Variants in GALNTL5 observed in about 807,000 individuals in gnomAD.
The protein encoded by GALNTL5 is polypeptide N-acetylgalactosaminyltransferase like 5.
In GALNTL5, 44 loss-of-function variants were observed where a neutral mutation model predicts 51.0. The ratio of observed to expected loss-of-function variants is 0.86; its 90% CI spans 0.68 to 1.11. The LOEUF is 1.11. Among genes scored for constraint, GALNTL5 ranks in the 50% least tolerant of loss-of-function variants. The pLI is 0.00. For synonymous variants in GALNTL5, 192 were observed against 182.8 expected (o/e 1.05, Z -0.41); for missense variants, 528 against 531.8 (o/e 0.99, Z 0.07).
chr7:151,999,314 C>T (rs781752041), intron 5 of GALNTL5, among the ~76,000 whole-genome samples: 27 of 152,092 alleles, frequency 1.8e-4, no homozygotes, highest in Non-Finnish European at 2.8e-4. Context: ...CTGTTGTCAA[C>T]AGTACTGCTG....
chr7:152,012,817 A>T (rs543331163), intron 7 of GALNTL5, among the ~76,000 whole-genome samples: 2 of 152,178 alleles, frequency 1.3e-5, no homozygotes, highest in East Asian at 3.9e-4. Context: ...AAATACAAAA[A>T]TGAGCTGGGT....
At chr7:151,972,200 C>T (rs1253172838) in intron 3 of GALNTL5, among the ~76,000 whole-genome samples, 2 of 152,126 alleles carry the variant, frequency 1.3e-5, no homozygotes, top group Non-Finnish European at 2.9e-5. Context: ...GTGATAAGGA[C>T]AATGAAGTCC....
chr7:151,962,004 C>CTTTTTTTTTT (rs5888458), intron 1 of GALNTL5, among the ~76,000 whole-genome samples: 2 of 131,770 alleles, frequency 1.5e-5, no homozygotes, highest in Non-Finnish European at 3.2e-5. Flanking sequence ...TAGTTACCTT[C>CTTTTTTTTTT]TTTTTTTTTT....
At chr7:151,971,584 A>G (rs901302710) in intron 3 of GALNTL5, among the ~76,000 whole-genome samples, 4 of 152,182 alleles carry the variant, frequency 2.6e-5, no homozygotes, top group African/African-American at 9.7e-5. Context: ...TTGTGCAGCC[A>G]TCGATACCAT....
At chr7:151,967,096 G>A (rs1003961488) in intron 1 of GALNTL5, 112 bp from the exon 2 acceptor site, 7 of 618,662 alleles carry the variant, frequency 1.1e-5, no homozygotes, top group African/African-American at 1.8e-5. Context: ...ATATGATAAG[G>A]GCCATCAACG....
At chr7:152,017,254 C>T (rs1002533167) in intron 8 of GALNTL5, among the ~76,000 whole-genome samples, 1 of 152,116 alleles carries the variant, frequency 6.6e-6, no homozygotes, top group Non-Finnish European at 1.5e-5. Flanking sequence ...AGGCTACAAA[C>T]CTGTATGGCA....
At chr7:152,007,703 C>A in intron 6 of GALNTL5, 124 bp from the exon 7 acceptor site, 1 of 694,506 alleles carries the variant, frequency 1.4e-6, no homozygotes, top group Non-Finnish European at 2.6e-6. Context: ...CAGGCATGAG[C>A]CTCCACACCC....
intron 5 of GALNTL5, among the ~76,000 whole-genome samples, chr7:151,994,493 C>G (rs1339865778): frequency 2.0e-5 from 3 of 151,946 alleles, no homozygotes; most frequent in Non-Finnish European, 4.4e-5. Context: ...CCTGCTTTCC[C>G]TGACCTTTCC....
At chr7:151,993,475 G>C (rs1474793278) in intron 5 of GALNTL5, among the ~76,000 whole-genome samples, 3 of 151,864 alleles carry the variant, frequency 2.0e-5, no homozygotes, top group African/African-American at 7.3e-5. Context: ...TTTTTTAGGA[G>C]TGATTTTGAA....
rs889045089 is a variant in GALNTL5, at chr7:151,998,780, A to C, written c.659-3934A>C. Among the ~76,000 whole-genome samples, 81 of 128,032 alleles carry C rather than the reference A, an allele frequency of 6.3e-4. 3 individuals carry two copies. The highest frequency in any genetic ancestry group is 5.8e-4 in the South Asian group (2 of 3,476). The allele number at this position is 128,032 out of a possible 152,430, so 84.0% of individuals were successfully genotyped here. A position where few individuals can be genotyped will look rare whatever the true frequency, so the allele number is the denominator to read the frequency against. On this transcript the variant is annotated intron_variant, in intron 5 of 8. Transcript: ENST00000392800. ...GAGCGAGACTCTATCTAAAAAAAAAAAAACAAAAAACAAAACTACTCCGAT... is the reference window on the plus strand; with the variant it reads ...GAGCGAGACTCTATCTAAAAAAAAACAAACAAAAAACAAAACTACTCCGAT...
intron 1 of GALNTL5, among the ~76,000 whole-genome samples, chr7:151,961,017 T>C (rs976450486): frequency 6.6e-6 from 1 of 152,168 alleles, no homozygotes; most frequent in Non-Finnish European, 1.5e-5. Flanking sequence ...TCCTGGGACA[T>C]GCCTAAGGTC....
chr7:152,017,670 G>A (rs1442093811), intron 8 of GALNTL5, among the ~76,000 whole-genome samples: 1 of 151,986 alleles, frequency 6.6e-6, no homozygotes, highest in Non-Finnish European at 1.5e-5. Flanking sequence ...AAAAAGCAGG[G>A]GGCTTTCAAA....
At chr7:151,973,477 AAG>A (rs939736622) in intron 3 of GALNTL5, among the ~76,000 whole-genome samples, 12 of 152,044 alleles carry the variant, frequency 7.9e-5, no homozygotes, top group Non-Finnish European at 1.2e-4. Flanking sequence ...AAAAAAAAAA[AAG>A]AAGATTTAAT....
chr7:152,013,657 T>C (rs1203439876), intron 7 of GALNTL5, among the ~76,000 whole-genome samples: 1 of 152,190 alleles, frequency 6.6e-6, no homozygotes, highest in Non-Finnish European at 1.5e-5. Context: ...TTCTTTGGGG[T>C]ATTATTTTTA....
At chr7:152,006,226 T>C (rs1454320935) in intron 6 of GALNTL5, among the ~76,000 whole-genome samples, 2 of 152,192 alleles carry the variant, frequency 1.3e-5, no homozygotes, top group East Asian at 1.9e-4. Flanking sequence ...GAAATGAGCA[T>C]TGGACTAAAC....
chr7:151,994,782 G>A (rs2081474855), intron 5 of GALNTL5, among the ~76,000 whole-genome samples: 2 of 147,344 alleles, frequency 1.4e-5, no homozygotes, highest in African/African-American at 5.1e-5. Flanking sequence ...TTTTTTGACA[G>A]AGTCTCGTTC....
chr7:152,004,152 T>C (rs1176374000), intron 6 of GALNTL5, among the ~76,000 whole-genome samples: 1 of 151,972 alleles, frequency 6.6e-6, no homozygotes, highest in Non-Finnish European at 1.5e-5. Context: ...TTGAAATGGG[T>C]AAAAAATAAA....
chr7:151,957,072 A>G lies in GALNTL5; in HGVS notation c.-40+463A>G, dbSNP rs78443805. 4.4e-3 allele frequency among the ~76,000 whole-genome samples: 674 copies of G among 151,678 alleles called. 2 individuals carry two copies. Among genetic ancestry groups the G allele is most frequent in the African/African-American group, 0.015 (610 of 41,360 alleles). On this transcript the variant is annotated intron_variant, in intron 1 of 8. Coordinates refer to ENST00000392800, the MANE Select transcript of GALNTL5 (RefSeq NM_145292.4). ...CTGTAATTCCAGCTCCTGGGAGGCT[A>G]AGGTGGCAGGACCATGTGAGTCCAG...
In GALNTL5 at chr7:152,018,504, T is replaced by C. The variant is rs186906929; in HGVS notation, c.1177-1142T>C. On this transcript the variant is annotated intron_variant, in intron 8 of 8. Coordinates refer to ENST00000392800, the MANE Select transcript of GALNTL5 (RefSeq NM_145292.4). ...CTGGTCAGGGATCTAGATGGTTGAATTGAACATAGCTATTTCTGCATGGTT... is the reference window on the plus strand; with the variant it reads ...CTGGTCAGGGATCTAGATGGTTGAACTGAACATAGCTATTTCTGCATGGTT... Among the ~76,000 whole-genome samples, 35 of 152,322 alleles carry C rather than the reference T, an allele frequency of 2.3e-4. 1 individual carries two copies. Among genetic ancestry groups the C allele is most frequent in the Admixed American group, 1.2e-3 (18 of 15,302 alleles).
Sources: gnomAD v4.1 joint callset for allele counts (sites outside exome capture counted in the v4.1 genomes callset) on GRCh38, gnomAD v4.1.1 for gene constraint, MANE v1.5 for transcripts, NCBI Gene and HGNC (gene_info 2026-07-23, HGNC 2026-07-21) for gene names.